Variants in OR11A1 observed in about 807,000 individuals in gnomAD.
OR11A1 encodes the protein olfactory receptor 11A1.
For synonymous variants in OR11A1, 158 were observed against 152.2 expected, an observed-to-expected ratio of 1.04 and a Z score of -0.28; for missense variants, 380 against 378.2, an observed-to-expected ratio of 1.00 and a Z score of -0.04.
At position 29,426,982 on chromosome 6, in the gene OR11A1, G is replaced by A. The variant is rs1211601570; in HGVS notation, c.660C>T (p.Ala220=). Residue 220 remains alanine (A), a synonymous_variant, in exon 5 of 5, where the codon GCC becomes GCT. Transcript: ENST00000377149. ...IPFGLILTSY[A]RIVVAVLRVP... The stretch of plus-strand genomic sequence containing the variant: ...CTCTCAGCACTGCCACCACAATTCT[G>A]GCATAAGATGTCAGAATCAGTCCAA... The A allele has an allele frequency of 8.1e-6, 13 of 1,612,838 alleles. No homozygotes were observed.
At chr6:29,452,107 G>A (rs977600817) in intron 1 of OR11A1, among the ~76,000 whole-genome samples, 3 of 152,162 alleles carry the variant, frequency 2.0e-5, no homozygotes. Flanking sequence ...GTTCTCACTT[G>A]TAAGTGGGAG....
intron 3 of OR11A1, among the ~76,000 whole-genome samples, chr6:29,429,275 C>G (rs553166264): frequency 6.6e-6 from 1 of 152,300 alleles, no homozygotes; most frequent in African/African-American, 2.4e-5. Flanking sequence ...AATGGAATCC[C>G]ATTTTCCATA....
Position 29,427,364 on chromosome 6 carries a change from A to T in OR11A1, c.278T>A (p.Ile93Asn). ...MLEGFLQEAT[I>N]SVAGCLLQFF... ...CTGGAGCAAGCAACCAGCCACAGAG[A>T]TAGTTGCTTCTTGCAGGAAGCCCTC... The change falls in exon 5 of 5, where the codon ATC becomes AAC. Residue 93 changes from isoleucine (I) to asparagine (N), a missense_variant. Ile to Asn is a moderately radical substitution (Grantham distance 149, BLOSUM62 -3). Coordinates refer to ENST00000377149, the MANE Select transcript of OR11A1 (RefSeq NM_001394828.1). 1.2e-6 allele frequency: 2 copies of T among 1,613,138 alleles called. No individual in the cohort carries two copies. The highest frequency in any genetic ancestry group is 1.7e-6 in the Non-Finnish European group (2 of 1,180,036).
At chr6:29,449,807 T>C (rs146964994) in intron 1 of OR11A1, among the ~76,000 whole-genome samples, 7 of 152,288 alleles carry the variant, frequency 4.6e-5, no homozygotes, top group African/African-American at 1.7e-4. Flanking sequence ...CAGCCAATTT[T>C]TGTATCTTTA....
rs191261968 is a variant in OR11A1 at position 29,435,971 on chromosome 6, G to A, written c.-388-3984C>T. Reference sequence around the variant, plus strand: ...CTAAAAATATATTAACACAATGTCCGGTTGAAAAGAAAGTTCCAAACATTC... The same window carrying A: ...CTAAAAATATATTAACACAATGTCCAGTTGAAAAGAAAGTTCCAAACATTC... On this transcript the variant is annotated intron_variant, in intron 1 of 4. Coordinates refer to ENST00000377149, the MANE Select transcript of OR11A1 (RefSeq NM_001394828.1). 3.3e-5 allele frequency among the ~76,000 whole-genome samples: 5 copies of A among 152,280 alleles called. No homozygotes were observed. The East Asian group carries it at 5.8e-4, about 18-fold the overall frequency.
intron 1 of OR11A1, among the ~76,000 whole-genome samples, chr6:29,443,971 T>TA (rs1784465749): frequency 2.2e-5 from 3 of 137,940 alleles, no homozygotes; most frequent in African/African-American, 9.0e-5. Flanking sequence ...CAATCAGTAA[T>TA]TAAAAAAAAA....
intron 1 of OR11A1, among the ~76,000 whole-genome samples, chr6:29,446,522 A>G (rs1458921905): frequency 6.6e-6 from 1 of 152,220 alleles, no homozygotes; most frequent in Non-Finnish European, 1.5e-5. Context: ...AATTAGAGGC[A>G]CTGCAGAGAA....
At chr6:29,432,313 C>T (rs915606789) in intron 1 of OR11A1, among the ~76,000 whole-genome samples, 4 of 152,148 alleles carry the variant, frequency 2.6e-5, no homozygotes, top group African/African-American at 9.7e-5. Flanking sequence ...CCAAATGGAG[C>T]CCACCTTTCC....
Position 29,427,412 on chromosome 6 carries a change from G to C in OR11A1, c.230C>G (p.Ser77Cys), listed in dbSNP as rs765483906. The C allele has an allele frequency of 2.5e-6, 4 of 1,613,008 alleles. No individual in the cohort carries two copies. The East Asian group carries it at 8.9e-5, about 36-fold the overall frequency. The change falls in exon 5 of 5, where the codon TCC becomes TGC. Residue 77 changes from serine (S) to cysteine (C), a missense_variant. By Grantham distance (112) the Ser-to-Cys change is moderately radical (BLOSUM62 -1). Coordinates refer to ENST00000377149, the MANE Select transcript of OR11A1 (RefSeq NM_001394828.1). ...CTCCAGCATTTTTGGCATCACTGCG[G>C]AGGTGTAGAGAATATCCAGGAAGGA... is the stretch of plus-strand genomic sequence containing the variant. ...NLSFLDILYT[S>C]AVMPKMLEGF... is the part of the protein sequence containing the mutation.
At chr6:29,440,075 C>G in intron 1 of OR11A1, 3 of 1,613,178 alleles carry the variant, frequency 1.9e-6, no homozygotes, top group Non-Finnish European at 2.5e-6. Context: ...CCCACCTGGC[C>G]GACCTCCAGG....
At chr6:29,447,026 G>A (rs1457572135) in intron 1 of OR11A1, among the ~76,000 whole-genome samples, 1 of 152,288 alleles carries the variant, frequency 6.6e-6, no homozygotes, top group South Asian at 2.1e-4. Flanking sequence ...AACTTTTCAC[G>A]AGAATATTTT....
chr6:29,448,086 G>T (rs948133557), intron 1 of OR11A1, among the ~76,000 whole-genome samples: 1 of 133,248 alleles, frequency 7.5e-6, no homozygotes. Flanking sequence ...GTGTGATCTC[G>T]GCTCACTGCA....
rs189116243 is a variant in OR11A1 at position 29,429,304 on chromosome 6, G to A, written c.-139-344C>T. 1.3e-4 allele frequency among the ~76,000 whole-genome samples: 20 copies of A among 152,208 alleles called. No individual in the cohort carries two copies. In the East Asian group the frequency reaches 3.9e-3, roughly 29 times the overall value. ...TTCCATACCTCTGCTCATTGCTAAC[G>A]TTAAATCCTCGAAGACCCAGCTTAA... On this transcript the variant is annotated intron_variant, in intron 3 of 4. Coordinates refer to ENST00000377149, the MANE Select transcript of OR11A1 (RefSeq NM_001394828.1).
At chr6:29,438,547 G>A (rs1360598922) in intron 1 of OR11A1, among the ~76,000 whole-genome samples, 1 of 152,010 alleles carries the variant, frequency 6.6e-6, no homozygotes, top group African/African-American at 2.4e-5. Flanking sequence ...AAAAAATCAT[G>A]AGAAAAAAGA....
chr6:29,440,795 C>T, intron 1 of OR11A1: 1 of 1,614,122 alleles, frequency 6.2e-7, no homozygotes, highest in Non-Finnish European at 8.5e-7. Context: ...TCTATATTCG[C>T]CCTAAGGCCA....
At chr6:29,432,845 C>A (rs368232999) in intron 1 of OR11A1, among the ~76,000 whole-genome samples, 2 of 152,060 alleles carry the variant, frequency 1.3e-5, no homozygotes. Context: ...CCTGACCAAC[C>A]GAGAACACTT....
intron 2 of OR11A1, among the ~76,000 whole-genome samples, chr6:29,431,207 A>G (rs1783205663): frequency 6.6e-6 from 1 of 152,218 alleles, no homozygotes; most frequent in African/African-American, 2.4e-5. Flanking sequence ...TAAAAAATAT[A>G]TACAAAACTG....
Position 29,426,815 on chromosome 6 carries a change from G to T in OR11A1, c.827C>A (p.Ser276Tyr), listed in dbSNP as rs966253631. 3 of 1,613,144 alleles carry T rather than the reference G, an allele frequency of 1.9e-6. No individual in the cohort carries two copies. The highest frequency in any genetic ancestry group is 2.5e-6 in the Non-Finnish European group (3 of 1,180,020). The change falls in exon 5 of 5, where the codon TCC becomes TAC. Residue 276 changes from serine to tyrosine, a missense_variant. Ser to Tyr is a moderately radical substitution (Grantham distance 144). Transcript: ENST00000377149. ...VHSQLLSKVF[S>Y]LLYTVVTPLF... The stretch of plus-strand genomic sequence containing the variant: ...AGGGGTGACCACAGTGTAGAGCAGG[G>T]AGAAGACCTTGGAGAGGAGCTGGGA...
chr6:29,455,277 A>C (rs980960168), intron 1 of OR11A1, among the ~76,000 whole-genome samples: 1 of 152,188 alleles, frequency 6.6e-6, no homozygotes, highest in Non-Finnish European at 1.5e-5. Context: ...AAGGACTTTT[A>C]TGCAGAATAT....
Sources: allele counts gnomAD v4.1 joint callset (sites outside exome capture counted in the v4.1 genomes callset), GRCh38; gene constraint gnomAD v4.1.1; transcripts MANE v1.5; gene names NCBI Gene and HGNC (gene_info 2026-07-23, HGNC 2026-07-21).